PARD3B: variants seen among roughly 807,000 people sequenced by gnomAD.
PARD3B encodes par-3 family cell polarity regulator beta.
A neutral mutation model predicts 130.2 loss-of-function variants in PARD3B; 103 were observed. The observed-to-expected ratio is 0.79, with a 90% confidence interval of 0.67 to 0.93. The LOEUF is 0.93. PARD3B is among the 40% of genes least tolerant of loss of function. The pLI is 0.00. For synonymous variants in PARD3B, 583 were observed against 553.2 expected (o/e 1.05, Z -0.76); for missense variants, 1,609 against 1,499.2 (o/e 1.07, Z -1.21).
At chr2:204,863,204 T>A (rs1343721920) in intron 2 of PARD3B, among the ~76,000 whole-genome samples, 1 of 152,208 alleles carries the variant, frequency 6.6e-6, no homozygotes, top group African/African-American at 2.4e-5. Context: ...CACTGTGGGA[T>A]GAGACACATG....
intron 2 of PARD3B, among the ~76,000 whole-genome samples, chr2:204,933,933 A>G (rs969260953): frequency 2.0e-5 from 3 of 152,216 alleles, no homozygotes; most frequent in African/African-American, 7.2e-5. Flanking sequence ...CCTTGTAATC[A>G]GAATAATACT....
At chr2:204,732,033 G>C (rs1574840097) in intron 2 of PARD3B, among the ~76,000 whole-genome samples, 1 of 151,192 alleles carries the variant, frequency 6.6e-6, no homozygotes, top group African/African-American at 2.4e-5. Flanking sequence ...GTTTGTCTAC[G>C]AATTTAGCCA....
chr2:205,071,076 A>G (rs1700700139), intron 4 of PARD3B, among the ~76,000 whole-genome samples: 1 of 152,074 alleles, frequency 6.6e-6, no homozygotes, highest in Non-Finnish European at 1.5e-5. Flanking sequence ...GTGTCAAATG[A>G]TGACAGAAGA....
At chr2:204,779,069 A>G (rs2041743035) in intron 2 of PARD3B, among the ~76,000 whole-genome samples, 3 of 152,166 alleles carry the variant, frequency 2.0e-5, no homozygotes, top group African/African-American at 7.2e-5. Context: ...CAGACTTGCA[A>G]CATCTGCACT....
At chr2:204,934,226 T>A (rs770223432) in intron 2 of PARD3B, among the ~76,000 whole-genome samples, 3 of 152,182 alleles carry the variant, frequency 2.0e-5, no homozygotes, top group Admixed American at 6.5e-5. Context: ...CTTAATATCA[T>A]TTTACTGCAA....
At chr2:205,488,015 T>C (rs2049513297) in intron 20 of PARD3B, among the ~76,000 whole-genome samples, 1 of 152,222 alleles carries the variant, frequency 6.6e-6, no homozygotes, top group African/African-American at 2.4e-5. Context: ...ACAAGTTTTG[T>C]AGGTTTCCTC....
chr2:204,879,263 A>G (rs1304452937), intron 2 of PARD3B, among the ~76,000 whole-genome samples: 1 of 152,206 alleles, frequency 6.6e-6, no homozygotes, highest in East Asian at 1.9e-4. Flanking sequence ...CAGGTCAAGC[A>G]GGGGCCGTGA....
At chr2:205,459,459 T>C (rs2048377621) in intron 20 of PARD3B, among the ~76,000 whole-genome samples, 1 of 152,162 alleles carries the variant, frequency 6.6e-6, no homozygotes. Context: ...GTTAGAAGGA[T>C]AAAAAGAAAT....
intron 11 of PARD3B, among the ~76,000 whole-genome samples, chr2:205,166,981 C>T (rs781550154): frequency 2.4e-4 from 36 of 152,314 alleles, no homozygotes; most frequent in Admixed American, 1.7e-3. Flanking sequence ...CCACAGCCAG[C>T]TACCCCTGGG....
rs192130605 is a variant in PARD3B at position 205,001,212 on chromosome 2, C to T, written c.394+35889C>T. Among the ~76,000 whole-genome samples the T allele has an allele frequency of 2.7e-4, 41 of 152,276 alleles. No homozygotes were observed. In the East Asian group the frequency reaches 7.9e-3, roughly 29 times the overall value. ...CCATGTTGGCCAGGCTGGTCTCGAA[C>T]TCCTGACCTCAGGTGATCTGCTCAC... is the stretch of plus-strand genomic sequence containing the variant. On this transcript the variant is annotated intron_variant, in intron 3 of 22. Coordinates refer to ENST00000406610, the MANE Select transcript of PARD3B (RefSeq NM_001302769.2).
intron 2 of PARD3B, among the ~76,000 whole-genome samples, chr2:204,717,071 A>G (rs1357683027): frequency 2.6e-5 from 4 of 152,128 alleles, no homozygotes; most frequent in African/African-American, 9.7e-5. Flanking sequence ...ATTTGCTGCA[A>G]TGGACTGTGC....
chr2:205,422,794 CA>C (rs1279560045), intron 19 of PARD3B, among the ~76,000 whole-genome samples: 1 of 151,734 alleles, frequency 6.6e-6, no homozygotes, highest in African/African-American at 2.4e-5. Context: ...AATAGGGAGC[CA>C]GCTGAGTGAT....
At chr2:205,031,350 A>G (rs116269567) in intron 3 of PARD3B, among the ~76,000 whole-genome samples, 109 of 152,316 alleles carry the variant, frequency 7.2e-4, no homozygotes, top group African/African-American at 2.6e-3. Context: ...TGTGTAGCTT[A>G]TAAGGGCAAT....
chr2:204,906,034 G>T lies in PARD3B; in HGVS notation c.223-59118G>T, dbSNP rs1317852274. Among the ~76,000 whole-genome samples the T allele has an allele frequency of 6.6e-6, 1 of 152,190 alleles. No homozygotes were observed. Among genetic ancestry groups the T allele is most frequent in the African/African-American group, 2.4e-5 (1 of 41,442 alleles). On this transcript the variant is annotated intron_variant, in intron 2 of 22. Coordinates refer to ENST00000406610, the MANE Select transcript of PARD3B (RefSeq NM_001302769.2). The surrounding 1 kb of genome is among the most constrained non-coding windows in gnomAD (Gnocchi z 4.3). ...AGGGAACAGGACAACAAGGGTAGTT[G>T]TAGCCATTACTTTATTTTGGGCTAG...
intron 21 of PARD3B, among the ~76,000 whole-genome samples, chr2:205,517,572 A>T (rs2192935): frequency 1.3e-5 from 2 of 151,728 alleles, no homozygotes; most frequent in East Asian, 3.9e-4. Context: ...TTCATGTCTC[A>T]ATTTCCTTCA....
chr2:205,472,801 C>A (rs1343610788), intron 20 of PARD3B, among the ~76,000 whole-genome samples: 4 of 152,038 alleles, frequency 2.6e-5, no homozygotes, highest in African/African-American at 9.7e-5. Flanking sequence ...ACATCCATTC[C>A]AGTCCTAGGA....
chr2:204,546,176 G>C (rs754267670), intron 1 of PARD3B, 57 bp downstream of exon 1: 4 of 1,546,374 alleles, frequency 2.6e-6, no homozygotes, highest in South Asian at 1.2e-5. Context: ...TGCCAGGTGC[G>C]ACCCGGTGGC....
chr2:204,851,033 A>G (rs1168043749), intron 2 of PARD3B, among the ~76,000 whole-genome samples: 1 of 152,164 alleles, frequency 6.6e-6, no homozygotes, highest in Non-Finnish European at 1.5e-5. Context: ...GTTTTCTTAA[A>G]GTGGGGAGAA....
chr2:204,755,910 G>A (rs1268228404), intron 2 of PARD3B, among the ~76,000 whole-genome samples: 1 of 152,124 alleles, frequency 6.6e-6, no homozygotes, highest in African/African-American at 2.4e-5. Flanking sequence ...TGAGCAAGGT[G>A]AATTAGGATT....
Sources: allele counts gnomAD v4.1 joint callset (sites outside exome capture counted in the v4.1 genomes callset), GRCh38; gene constraint gnomAD v4.1.1; non-coding constraint Gnocchi (gnomAD v3.1); transcripts MANE v1.5; gene names NCBI Gene and HGNC (gene_info 2026-07-23, HGNC 2026-07-21).